Variants in KANSL3 observed in about 807,000 individuals in gnomAD.
KANSL3 encodes KAT8 regulatory NSL complex subunit 3.
A neutral mutation model predicts 89.2 loss-of-function variants in KANSL3; 16 were observed. That is an observed-to-expected ratio of 0.18 (90% CI 0.12 to 0.27). The LOEUF (loss-of-function observed/expected upper bound fraction) is 0.27. Ranked by LOEUF, KANSL3 falls within the 10% of genes least tolerant of loss-of-function variation. The pLI, the probability that KANSL3 is intolerant of heterozygous loss-of-function variation, is 1.00. For synonymous variants in KANSL3, 385 were observed against 419.7 expected, an observed-to-expected ratio of 0.92 and a Z score of 1.01; for missense variants, 879 against 1,110.6, an observed-to-expected ratio of 0.79 and a Z score of 2.96.
Position 96,619,704 on chromosome 2 carries a change from A to G in KANSL3, c.445T>C (p.Ser149Pro). The part of the protein sequence containing the change: ...LFNKILKALQ[S>P]DRLARLANEG... The stretch of plus-strand genomic sequence containing the variant: ...TTGGCCAAGCGGGCAAGCCGGTCAG[A>G]CTGCAGGGCTTTGAGGATCTTGTTG... The change falls in exon 4 of 21, where the codon TCT (serine) becomes CCT (proline). Residue 149 changes from serine to proline, a missense_variant. By Grantham distance (74) the Ser-to-Pro change is moderately conservative. This residue lies in a region of KANSL3 where 210 missense variants were observed against 311.9 expected (regional missense o/e 0.67). Coordinates refer to ENST00000431828, the MANE Select transcript of KANSL3 (RefSeq NM_001115016.3). The G allele has an allele frequency of 1.3e-6, 2 of 1,565,384 alleles. No individual in the cohort carries two copies. The highest frequency in any genetic ancestry group is 1.7e-6 in the Non-Finnish European group (2 of 1,154,726).
At chr2:96,627,977 T>C (rs2072691363) in intron 3 of KANSL3, 2 of 1,289,980 alleles carry the variant, frequency 1.6e-6, no homozygotes, top group Non-Finnish European at 2.0e-6. Context: ...CAAAATCTCA[T>C]CAGACACTAA....
chr2:96,628,599 T>A (rs538754423), intron 3 of KANSL3: 121 of 158,942 alleles, frequency 7.6e-4, no homozygotes, highest in African/African-American at 2.3e-3. Flanking sequence ...AGGCTTGTAG[T>A]GAGCTGAGAT....
chr2:96,611,749 G>A (rs1216984501), intron 9 of KANSL3, among the ~76,000 whole-genome samples: 1 of 152,036 alleles, frequency 6.6e-6, no homozygotes, highest in East Asian at 1.9e-4. Context: ...TTGATGTCTT[G>A]GAAAAAGACT....
chr2:96,612,251 A>G lies in KANSL3; in HGVS notation c.1086+31T>C, dbSNP rs199788655. On this transcript the variant is annotated intron_variant, in intron 9 of 20. Coordinates refer to ENST00000431828, the MANE Select transcript of KANSL3 (RefSeq NM_001115016.3). ...ATGATTAGTGGTATTCCATCCCAGGACAACCTCCAAATAAGATAGAAATTA... is the reference window on the plus strand; with the variant it reads ...ATGATTAGTGGTATTCCATCCCAGGGCAACCTCCAAATAAGATAGAAATTA... The G allele has an allele frequency of 3.2e-4, 483 of 1,522,084 alleles. 3 individuals carry two copies. The African/African-American group carries it at 5.7e-3, about 18-fold the overall frequency. 94.3% of individuals were successfully genotyped at this position (1,522,084 alleles called of 1,614,324 possible). A position where few individuals can be genotyped will look rare whatever the true frequency, so the allele number is the denominator to read the frequency against.
chr2:96,580,569 T>C, the KANSL3 span, among the ~76,000 whole-genome samples: 3 of 152,178 alleles, frequency 2.0e-5, no homozygotes, highest in East Asian at 5.8e-4. Flanking sequence ...AAAGAGGTTG[T>C]CCTGGAGCAG....
At chr2:96,592,376 C>T (rs190876029), downstream of KANSL3, among the ~76,000 whole-genome samples, 312 of 152,234 alleles carry the variant, frequency 2.0e-3, no homozygotes, top group Non-Finnish European at 3.4e-3. Context: ...TATTTATTGG[C>T]GGTGGGTGGA....
intron 2 of KANSL3, among the ~76,000 whole-genome samples, chr2:96,634,377 A>G (rs1422942860): frequency 6.6e-6 from 1 of 152,178 alleles, no homozygotes. Context: ...TTAGCCAGGC[A>G]TGGTGGCGGG....
rs2069189150 is a variant in KANSL3, at chr2:96,612,517, C to G, written c.959G>C (p.Gly320Ala). The G allele has an allele frequency of 6.2e-7, 1 of 1,613,852 alleles. No homozygotes were observed. Among genetic ancestry groups the G allele is most frequent in the African/African-American group, 1.3e-5 (1 of 74,906 alleles). The change falls in exon 8 of 21, where the codon GGA becomes GCA. Residue 320 changes from glycine (G) to alanine (A), a missense_variant. Physicochemically the swap from Gly to Ala is moderately conservative, Grantham distance 60 (BLOSUM62 0). This residue lies in a region of KANSL3 where 198 missense variants were observed against 260.3 expected (regional missense o/e 0.76). Coordinates refer to ENST00000431828, the MANE Select transcript of KANSL3 (RefSeq NM_001115016.3). ...CATATGCTCGAGACACTGTAGAACT[C>G]CTACCCCACTGCCATTGTTCAGCAG... ...THLLNNGSGV[G>A]VLQCLEHMIG...
intron 6 of KANSL3, 77 bp downstream of exon 6, chr2:96,613,411 A>T: frequency 8.4e-7 from 1 of 1,186,058 alleles, no homozygotes; most frequent in East Asian, 2.5e-5. Context: ...GAAGCCATTT[A>T]TCCTCCTGCC....
intron 19 of KANSL3, 152 bp downstream of exon 19, chr2:96,601,964 T>C: frequency 8.5e-7 from 1 of 1,171,536 alleles, no homozygotes; most frequent in Non-Finnish European, 1.2e-6. Context: ...TCAACCTCTC[T>C]GGGGGATGGG....
chr2:96,627,977 T>A, intron 3 of KANSL3: 1 of 1,289,980 alleles, frequency 7.8e-7, no homozygotes, highest in Non-Finnish European at 1.0e-6. Context: ...CAAAATCTCA[T>A]CAGACACTAA....
At chr2:96,631,555 A>C (rs1312565854) in intron 2 of KANSL3, 73 bp from the exon 3 acceptor site, 25 of 1,520,398 alleles carry the variant, frequency 1.6e-5, no homozygotes, top group Non-Finnish European at 2.1e-5. Flanking sequence ...TGGTTGACAA[A>C]AAATGTATCT....
chr2:96,626,083 A>T (rs1023527275), intron 3 of KANSL3, among the ~76,000 whole-genome samples: 4 of 152,090 alleles, frequency 2.6e-5, no homozygotes, highest in Admixed American at 6.6e-5. Flanking sequence ...TGATATGCTG[A>T]CCTCTGGCTC....
At chr2:96,583,747 C>T in the KANSL3 span, among the ~76,000 whole-genome samples, 3 of 152,134 alleles carry the variant, frequency 2.0e-5, no homozygotes, top group Non-Finnish European at 4.4e-5. Context: ...CTTTTGTGGA[C>T]GTAAGTTATC....
downstream of KANSL3, among the ~76,000 whole-genome samples, chr2:96,590,437 T>C (rs2066264177): frequency 6.6e-6 from 1 of 151,740 alleles, no homozygotes; most frequent in African/African-American, 2.4e-5. Flanking sequence ...GGACTACAGG[T>C]GCGCGGCATG....
At chr2:96,605,964 A>G (rs1023805059) in intron 14 of KANSL3, 1 of 153,728 alleles carries the variant, frequency 6.5e-6, no homozygotes, top group Non-Finnish European at 1.4e-5. Flanking sequence ...GACATCAAAC[A>G]TTCTATGAGA....
chr2:96,633,701 A>G lies in KANSL3; in HGVS notation c.216-2219T>C, dbSNP rs1052325837. 5.9e-5 allele frequency among the ~76,000 whole-genome samples: 9 copies of G among 152,062 alleles called. No homozygotes were observed. The East Asian group carries it at 1.7e-3, about 29-fold the overall frequency. On this transcript the variant is annotated intron_variant, in intron 2 of 20. Transcript: ENST00000431828. ...GGCAACATGGTGAAACCTCGTCTCT[A>G]CTAAACACAAAAAATTAGCTGGGTG...
In KANSL3 at chr2:96,619,750, T is replaced by C; in HGVS notation, c.399A>G (p.Thr133=). 1.3e-6 allele frequency: 2 copies of C among 1,556,328 alleles called. No homozygotes were observed. The highest frequency in any genetic ancestry group is 1.7e-6 in the Non-Finnish European group (2 of 1,149,550). The stretch of plus-strand genomic sequence containing the variant: ...TGTTGAATAGCTTGTTCTGGGCCAT[T>C]GTCCAGCCAGTCCTATAAGGGAAAC... ...WEEHVNRTGW[T]MAQNKLFNKI... The change falls in exon 4 of 21, where the codon ACA becomes ACG. Residue 133 remains threonine (T), a synonymous_variant. Transcript: ENST00000431828.
chr2:96,627,281 C>T (rs1353836793), intron 3 of KANSL3, among the ~76,000 whole-genome samples: 1 of 151,772 alleles, frequency 6.6e-6, no homozygotes, highest in African/African-American at 2.4e-5. Context: ...GTGGCACGAT[C>T]TCGGCTCACT....
Sources: allele counts gnomAD v4.1 joint callset (sites outside exome capture counted in the v4.1 genomes callset), GRCh38; gene constraint gnomAD v4.1.1; regional missense constraint gnomAD v4.1.1; transcripts MANE v1.5; gene names NCBI Gene and HGNC (gene_info 2026-07-23, HGNC 2026-07-21).